BCAS3: variants seen among roughly 807,000 people sequenced by gnomAD.
The protein encoded by BCAS3 is BCAS4/BCAS3 fusion.
A neutral mutation model predicts 116.1 loss-of-function variants in BCAS3; 53 were observed. That is an observed-to-expected ratio of 0.46 (90% CI 0.37 to 0.57). BCAS3 has a LOEUF of 0.57. Among genes scored for constraint, BCAS3 ranks in the 20% least tolerant of loss-of-function variants. The probability of loss-of-function intolerance (pLI) is 0.00; values close to 1 mark genes in which losing one functional copy is unlikely to be tolerated. For synonymous variants in BCAS3, 391 were observed against 408.2 expected (o/e 0.96, Z 0.51); for missense variants, 917 against 1,165.4 (o/e 0.79, Z 3.10).
intron 5 of BCAS3, among the ~76,000 whole-genome samples, chr17:60,722,421 G>A (rs1388515408): frequency 1.3e-5 from 2 of 152,056 alleles, no homozygotes; most frequent in East Asian, 3.8e-4. Context: ...TTTTGATTTT[G>A]GCCATTCTGT....
In BCAS3 at chr17:60,962,389, A is replaced by G. The variant is rs953784816; in HGVS notation, c.1221+15037A>G. ...TACAAGCCATTTTTACTAGGGTGAGATGATATCTTGTTGTGGTTTTGATTT... is the reference window on the plus strand; with the variant it reads ...TACAAGCCATTTTTACTAGGGTGAGGTGATATCTTGTTGTGGTTTTGATTT... On this transcript the variant is annotated intron_variant, in intron 14 of 23. Transcript: ENST00000407086. The surrounding 1 kb of genome is among the most constrained non-coding windows in gnomAD (Gnocchi z 4.4). 1.3e-5 allele frequency among the ~76,000 whole-genome samples: 2 copies of G among 152,100 alleles called. No individual in the cohort carries two copies. Among genetic ancestry groups the G allele is most frequent in the African/African-American group, 4.8e-5 (2 of 41,416 alleles).
rs2077562639 is a variant in BCAS3, at chr17:61,151,915, C to A, written c.2425+67351C>A. Among the ~76,000 whole-genome samples the A allele has an allele frequency of 1.3e-5, 2 of 152,172 alleles. No homozygotes were observed. The highest frequency in any genetic ancestry group is 6.5e-5 in the Admixed American group (1 of 15,278). ...ACCAGACTTACTATAAGAAGTATGGCAAGCACCAGCTCCACATAGTGACAC... is the reference window on the plus strand; with the variant it reads ...ACCAGACTTACTATAAGAAGTATGGAAAGCACCAGCTCCACATAGTGACAC... On this transcript the variant is annotated intron_variant, in intron 22 of 23. Coordinates refer to ENST00000407086, the MANE Select transcript of BCAS3 (RefSeq NM_017679.5). This position sits in a 1 kb window ranked among gnomAD's most constrained non-coding sequence, Gnocchi z 4.8.
intron 22 of BCAS3, among the ~76,000 whole-genome samples, chr17:61,172,585 T>C (rs2144123206): frequency 6.6e-6 from 1 of 152,222 alleles, no homozygotes. Flanking sequence ...TGCAGTGAGC[T>C]GAGATCGCAC....
Position 61,337,892 on chromosome 17 carries a change from GT to G in BCAS3, c.2426-30433del, listed in dbSNP as rs1411226139. ...GAAGATAGTTCTATCCCATTTTATAGTTGAGGAAACCAAGGCTCGGTGAGGT... is the reference window on the plus strand; with the variant it reads ...GAAGATAGTTCTATCCCATTTTATAGTGAGGAAACCAAGGCTCGGTGAGGT... On this transcript the variant is annotated intron_variant, in intron 22 of 23. Transcript: ENST00000407086. The surrounding 1 kb of genome is among the most constrained non-coding windows in gnomAD (Gnocchi z 4.8). 1.3e-5 allele frequency among the ~76,000 whole-genome samples: 2 copies of G among 152,170 alleles called. No homozygotes were observed. Among genetic ancestry groups the G allele is most frequent in the African/African-American group, 2.4e-5 (1 of 41,420 alleles).
rs1370838754 is a variant in BCAS3, at chr17:61,186,512, T to G, written c.2425+101948T>G. ...TCCACTTTTTCATACTTGAATATGT[T>G]TTTTCCTGCTTTCTAAATATGGTCA... is the stretch of plus-strand genomic sequence containing the variant. On this transcript the variant is annotated intron_variant, in intron 22 of 23. Coordinates refer to ENST00000407086, the MANE Select transcript of BCAS3 (RefSeq NM_017679.5). This position sits in a 1 kb window ranked among gnomAD's most constrained non-coding sequence, Gnocchi z 4.9. 6.6e-6 allele frequency among the ~76,000 whole-genome samples: 1 copy of G among 152,244 alleles called. No homozygotes were observed. Among genetic ancestry groups the G allele is most frequent in the Non-Finnish European group, 1.5e-5 (1 of 68,040 alleles).
intron 22 of BCAS3, among the ~76,000 whole-genome samples, chr17:61,311,378 C>T (rs2054293607): frequency 1.3e-5 from 2 of 152,218 alleles, no homozygotes; most frequent in Non-Finnish European, 1.5e-5. Context: ...GGGCACCTCT[C>T]CAAGATTGGA....
intron 23 of BCAS3, among the ~76,000 whole-genome samples, chr17:61,375,664 T>G (rs936879391): frequency 6.7e-6 from 1 of 149,774 alleles, no homozygotes; most frequent in Non-Finnish European, 1.5e-5. Context: ...CCACCTCCCA[T>G]CATGTTCCAG....
At chr17:60,931,422 C>T (rs1240441410) in intron 13 of BCAS3, among the ~76,000 whole-genome samples, 1 of 152,028 alleles carries the variant, frequency 6.6e-6, no homozygotes, top group African/African-American at 2.4e-5. Context: ...ATTACAGGCA[C>T]GTGCCACCAC....
At chr17:61,250,992 T>A (rs1369643007) in intron 22 of BCAS3, among the ~76,000 whole-genome samples, 1 of 152,182 alleles carries the variant, frequency 6.6e-6, no homozygotes, top group Non-Finnish European at 1.5e-5. Flanking sequence ...GAGACCAGTG[T>A]CTAATTCTAC....
At chr17:60,919,739 A>G (rs74740213) in intron 12 of BCAS3, among the ~76,000 whole-genome samples, 1 of 151,926 alleles carries the variant, frequency 6.6e-6, no homozygotes, top group Non-Finnish European at 1.5e-5. Flanking sequence ...ATAATAACTC[A>G]AAGGAGTAGG....
intron 6 of BCAS3, among the ~76,000 whole-genome samples, chr17:60,769,551 G>A (rs2044447618): frequency 6.6e-6 from 1 of 152,184 alleles, no homozygotes; most frequent in Non-Finnish European, 1.5e-5. Flanking sequence ...GAGGCTGGCT[G>A]TGGGCCTGCC....
rs749612519 is a variant in BCAS3 at position 60,902,588 on chromosome 17, A to G, written c.739-32A>G. The G allele has an allele frequency of 6.6e-6, 10 of 1,516,616 alleles. No homozygotes were observed. The Admixed American group carries it at 1.5e-4, about 23-fold the overall frequency. 93.9% of individuals were successfully genotyped at this position (1,516,616 alleles called of 1,614,324 possible). A position where few individuals can be genotyped will look rare whatever the true frequency, so the allele number is the denominator to read the frequency against. ...AGAGTTAAACAGATTAATAGAAATGACGTTCTGCTTCTCTCTCTCTCTTTT... is the reference window on the plus strand; with the variant it reads ...AGAGTTAAACAGATTAATAGAAATGGCGTTCTGCTTCTCTCTCTCTCTTTT... On this transcript the variant is annotated intron_variant, in intron 10 of 23. Coordinates refer to ENST00000407086, the MANE Select transcript of BCAS3 (RefSeq NM_017679.5).
intron 6 of BCAS3, among the ~76,000 whole-genome samples, chr17:60,773,260 A>G (rs75830765): frequency 0.034 from 2,446 of 72,822 alleles, 24 homozygotes; most frequent in Middle Eastern, 0.08. Context: ...TATCTCCTTT[A>G]TTTTGTATTA....
rs1028777261 is a variant in BCAS3, at chr17:61,128,709, C to A, written c.2425+44145C>A. On this transcript the variant is annotated intron_variant, in intron 22 of 23. Coordinates refer to ENST00000407086, the MANE Select transcript of BCAS3 (RefSeq NM_017679.5). This position sits in a 1 kb window ranked among gnomAD's most constrained non-coding sequence, Gnocchi z 4.1. ...ATCTGGAAACCAGCATATTGGCAGT[C>A]GTCTCACAACATGATTTTGCATTTA... The A allele has an allele frequency of 3.2e-6, 2 of 628,848 alleles. No homozygotes were observed. The highest frequency in any genetic ancestry group is 4.0e-6 in the Non-Finnish European group (2 of 504,860). The allele number at this position is 628,848 out of a possible 1,614,324, so 39.0% of individuals were successfully genotyped here. A position where few individuals can be genotyped will look rare whatever the true frequency, so the allele number is the denominator to read the frequency against.
At chr17:61,318,967 A>G (rs1299118811) in intron 22 of BCAS3, among the ~76,000 whole-genome samples, 1 of 152,178 alleles carries the variant, frequency 6.6e-6, no homozygotes, top group African/African-American at 2.4e-5. Flanking sequence ...TTGGGGTTTG[A>G]CCTGGTTCTG....
intron 6 of BCAS3, among the ~76,000 whole-genome samples, chr17:60,790,843 A>G (rs547476737): frequency 7.0e-6 from 1 of 142,670 alleles, no homozygotes; most frequent in Non-Finnish European, 1.5e-5. Flanking sequence ...TCCCCGGTTT[A>G]AGCAATTCTC....
At chr17:61,202,230 CG>C (rs2080882403) in intron 22 of BCAS3, among the ~76,000 whole-genome samples, 3 of 150,816 alleles carry the variant, frequency 2.0e-5, no homozygotes, top group Admixed American at 2.0e-4. Flanking sequence ...CTCTGCCTCC[CG>C]GGTTCACGCC....
chr17:61,308,628 G>T (rs1391136138), intron 22 of BCAS3, among the ~76,000 whole-genome samples: 1 of 152,020 alleles, frequency 6.6e-6, no homozygotes, highest in African/African-American at 2.4e-5. Flanking sequence ...AGGCAGGGGG[G>T]TGGGGGTAGT....
intron 14 of BCAS3, among the ~76,000 whole-genome samples, chr17:60,988,828 A>G (rs757788455): frequency 6.6e-6 from 1 of 151,762 alleles, no homozygotes; most frequent in East Asian, 1.9e-4. Context: ...TTATCTTTTT[A>G]AAAAACCAAC....
Sources: gnomAD v4.1 joint callset for allele counts (sites outside exome capture counted in the v4.1 genomes callset) on GRCh38, gnomAD v4.1.1 for gene constraint, Gnocchi (gnomAD v3.1) non-coding constraint, MANE v1.5 for transcripts, NCBI Gene and HGNC (gene_info 2026-07-23, HGNC 2026-07-21) for gene names.